Variants in LTF observed in about 807,000 individuals in gnomAD.
The protein encoded by LTF is lactotransferrin.
In LTF, 91 loss-of-function variants were observed where a neutral mutation model predicts 87.2. That is an observed-to-expected ratio of 1.04 (90% CI 0.88 to 1.24). The LOEUF (loss-of-function observed/expected upper bound fraction) is 1.24. Ranked by LOEUF, LTF falls within the 50% of genes most tolerant of loss-of-function variation. The pLI is 0.00. For missense variants in LTF, 901 were observed against 904.3 expected (o/e 1.00, Z 0.05); for synonymous variants, 378 against 356.1 (o/e 1.06, Z -0.69).
chr3:46,436,248 C>A lies in LTF; in HGVS notation c.2099-19G>T. 1 of 1,611,724 alleles carries A rather than the reference C, an allele frequency of 6.2e-7. No individual in the cohort carries two copies. ...AGGAGGGCTGTGGGACACAACAGAG[C>A]AAGAGATTCAGAAACTGATTTCTTC... On this transcript the variant is annotated intron_variant, in intron 16 of 16. Coordinates refer to ENST00000231751, the MANE Select transcript of LTF (RefSeq NM_002343.6).
rs758151915 is a variant in LTF, at chr3:46,455,317, A to G, written c.625T>C (p.Phe209Leu). ...KCAFSSQEPY[F>L]SYSGAFKCLR... ...CACTTGAAGGCACCAGAGTAGCTGA[A>G]GTACGGTTCCTGGGAGGAGAAGGCA... The change falls in exon 5 of 17, where the codon TTC becomes CTC. Residue 209 changes from phenylalanine to leucine, a missense_variant. Phe to Leu is a conservative substitution (Grantham distance 22). Transcript: ENST00000231751. 3 of 1,614,128 alleles carry G rather than the reference A, an allele frequency of 1.9e-6. No homozygotes were observed. The highest frequency in any genetic ancestry group is 2.5e-6 in the Non-Finnish European group (3 of 1,180,038).
intron 10 of LTF, among the ~76,000 whole-genome samples, chr3:46,446,930 G>A (rs1005153857): frequency 3.9e-5 from 6 of 152,208 alleles, no homozygotes; most frequent in African/African-American, 1.4e-4. Flanking sequence ...TCCCTTGCAG[G>A]AGTAAGGGGG....
At chr3:46,439,177 T>G in intron 15 of LTF, 119 bp downstream of exon 15, 60 of 938,412 alleles carry the variant, frequency 6.4e-5, no homozygotes, top group Non-Finnish European at 9.0e-5. Context: ...ACTCTCACCA[T>G]GAGCTTCAAG....
chr3:46,454,240 G>T, intron 6 of LTF, 65 bp downstream of exon 6: 1 of 1,419,104 alleles, frequency 7.0e-7, no homozygotes, highest in Non-Finnish European at 1.0e-6. Context: ...TTAGCTCAAA[G>T]GTCAGAGTCA....
At chr3:46,461,162 C>T (rs980900962) in intron 1 of LTF, among the ~76,000 whole-genome samples, 3 of 152,144 alleles carry the variant, frequency 2.0e-5, no homozygotes, top group African/African-American at 7.2e-5. Flanking sequence ...TGACACATAT[C>T]GATGAGGATG....
At chr3:46,437,076 A>G (rs900003487) in intron 16 of LTF, among the ~76,000 whole-genome samples, 1 of 152,098 alleles carries the variant, frequency 6.6e-6, no homozygotes, top group African/African-American at 2.4e-5. Context: ...AATGCCCCCA[A>G]CTCTGGGTGA....
chr3:46,462,595 G>T (rs1051180423), intron 1 of LTF, among the ~76,000 whole-genome samples: 28 of 152,166 alleles, frequency 1.8e-4, no homozygotes, highest in African/African-American at 6.8e-4. Context: ...AAAAGGGTCT[G>T]GGTCAGATCC....
intron 13 of LTF, chr3:46,441,801 G>A (rs1702519576): frequency 3.8e-6 from 1 of 260,806 alleles, no homozygotes; most frequent in East Asian, 9.2e-5. Flanking sequence ...CCACAGATGT[G>A]CAGGCGGCCT....
At chr3:46,465,499 A>G (rs1703190967), upstream of LTF, among the ~76,000 whole-genome samples, 1 of 152,156 alleles carries the variant, frequency 6.6e-6, no homozygotes, top group Non-Finnish European at 1.5e-5. Context: ...CTCCCAGAAA[A>G]CAGACAGGGA....
Position 46,436,899 on chromosome 3 carries a change from C to G in LTF, c.2099-670G>C, listed in dbSNP as rs148839161. The stretch of plus-strand genomic sequence containing the variant: ...GGCTGTGCTTTGTTTAGTAGCATCC[C>G]TGGCCTCTACCTATTTGTTACCAGC... On this transcript the variant is annotated intron_variant, in intron 16 of 16. Coordinates refer to ENST00000231751, the MANE Select transcript of LTF (RefSeq NM_002343.6). Among the ~76,000 whole-genome samples, 525 of 152,348 alleles carry G rather than the reference C, an allele frequency of 3.4e-3. 5 individuals are homozygous for G. Among genetic ancestry groups the G allele is most frequent in the African/African-American group, 0.012 (500 of 41,578 alleles).
intron 13 of LTF, among the ~76,000 whole-genome samples, chr3:46,442,852 C>T (rs1702556445): frequency 6.6e-6 from 1 of 152,158 alleles, no homozygotes; most frequent in African/African-American, 2.4e-5. Context: ...AATAGTGCCC[C>T]TGAGAAGCAA....
rs1702575005 is a variant in LTF, at chr3:46,443,561, C to G, written c.1535G>C (p.Cys512Ser). ...CKFDEYFSQS[C>S]APGSDPRSNL... ...AGATCTCGGGTCAGACCCAGGGGCA[C>G]AGCTTTGACTGAAATATTCATCTGG... The change falls in exon 13 of 17, where the codon TGT (cysteine) becomes TCT (serine). Residue 512 changes from cysteine (C) to serine (S), a missense_variant. Transcript: ENST00000231751. 6.2e-7 allele frequency: 1 copy of G among 1,613,904 alleles called. No homozygotes were observed. The highest frequency in any genetic ancestry group is 8.5e-7 in the Non-Finnish European group (1 of 1,179,966).
chr3:46,453,100 G>T (rs1276769176), intron 6 of LTF, among the ~76,000 whole-genome samples: 1 of 152,128 alleles, frequency 6.6e-6, no homozygotes, highest in Non-Finnish European at 1.5e-5. Context: ...CTAGATAGAA[G>T]GAACTTCTGT....
At chr3:46,472,515 TGTGTGTGTGTGTGA>T (rs1168494323) in intron 1 of LTF, among the ~76,000 whole-genome samples, 1 of 150,146 alleles carries the variant, frequency 6.7e-6, no homozygotes, top group Non-Finnish European at 1.5e-5. Context: ...TGTGTGTGTG[TGTGTGTGTGTGTGA>T]GAGAGAGAGA....
At chr3:46,478,996 G>A (rs1036626283) in intron 1 of LTF, among the ~76,000 whole-genome samples, 1 of 152,176 alleles carries the variant, frequency 6.6e-6, no homozygotes, top group Non-Finnish European at 1.5e-5. Flanking sequence ...CATTTATCCT[G>A]GACCAGGTCC....
chr3:46,442,193 G>A (rs1702539552), intron 13 of LTF, among the ~76,000 whole-genome samples: 1 of 152,086 alleles, frequency 6.6e-6, no homozygotes, highest in Admixed American at 6.5e-5. Context: ...TTAGCGTGTT[G>A]GGTGCTGAAG....
At chr3:46,480,046 TGAG>T (rs1703413247) in intron 1 of LTF, among the ~76,000 whole-genome samples, 1 of 151,852 alleles carries the variant, frequency 6.6e-6, no homozygotes, top group Non-Finnish European at 1.5e-5. Context: ...TAAAGCAGAT[TGAG>T]GAGGAGGTGG....
chr3:46,454,188 T>C (rs766520947), intron 6 of LTF, 117 bp downstream of exon 6: 6 of 884,432 alleles, frequency 6.8e-6, no homozygotes, highest in Non-Finnish European at 1.2e-5. Flanking sequence ...CTGTGCCCTG[T>C]AGGAATCTTG....
intron 1 of LTF, among the ~76,000 whole-genome samples, chr3:46,482,551 AAGGGAAGGGAAGGGAAG>A (rs1703449086): frequency 8.8e-6 from 1 of 113,702 alleles, no homozygotes; most frequent in African/African-American, 4.1e-5. Context: ...AAGGGAAGGG[AAGGGAAGGGAAGGGAAG>A]GGAAAGGAAA....
Sources: allele counts gnomAD v4.1 joint callset (sites outside exome capture counted in the v4.1 genomes callset), GRCh38; gene constraint gnomAD v4.1.1; transcripts MANE v1.5; gene names NCBI Gene and HGNC (gene_info 2026-07-23, HGNC 2026-07-21).